Variants in ADCY2 observed in about 807,000 individuals in gnomAD.
The protein encoded by ADCY2 is adenylate cyclase 2.
A neutral mutation model predicts 125.2 loss-of-function variants in ADCY2; 31 were observed. The ratio of observed to expected loss-of-function variants is 0.25; its 90% confidence interval spans 0.19 to 0.33. The LOEUF (loss-of-function observed/expected upper bound fraction) is 0.33. ADCY2 is among the 10% of genes least tolerant of loss of function. ADCY2 has a pLI of 1.00. For missense variants in ADCY2, 904 were observed against 1,418.2 expected, an observed-to-expected ratio of 0.64 and a Z score of 5.82; for synonymous variants, 512 against 548.4, an observed-to-expected ratio of 0.93 and a Z score of 0.93.
chr5:7,725,868 G>A lies in ADCY2; in HGVS notation c.1773+1254G>A, dbSNP rs372932474. Among the ~76,000 whole-genome samples the A allele has an allele frequency of 1.4e-4, 22 of 152,326 alleles. No homozygotes were observed. The East Asian group carries it at 3.3e-3, about 23-fold the overall frequency. On this transcript the variant is annotated intron_variant, in intron 13 of 24. Coordinates refer to ENST00000338316, the MANE Select transcript of ADCY2 (RefSeq NM_020546.3). ...CCCCCAAAATTCTAGTAAACAGAAA[G>A]TGATCATTTAAAAATGCAGCTTTAC...
chr5:7,713,653 C>T (rs1240888347), intron 11 of ADCY2, among the ~76,000 whole-genome samples: 1 of 152,168 alleles, frequency 6.6e-6, no homozygotes, highest in Non-Finnish European at 1.5e-5. Flanking sequence ...CGCCCTGTCG[C>T]AGCCACCGTA....
At chr5:7,742,494 C>T (rs968988521) in intron 14 of ADCY2, among the ~76,000 whole-genome samples, 2 of 152,004 alleles carry the variant, frequency 1.3e-5, no homozygotes, top group Non-Finnish European at 2.9e-5. Flanking sequence ...ACTCAGTGCC[C>T]GAAAGTCATT....
intron 24 of ADCY2, among the ~76,000 whole-genome samples, chr5:7,826,409 T>A (rs1167373082): frequency 1.3e-5 from 2 of 152,200 alleles, no homozygotes; most frequent in Non-Finnish European, 2.9e-5. Context: ...CCAGGCTCAA[T>A]TCCTTTTCTG....
chr5:7,535,125 C>T (rs1734774050), intron 3 of ADCY2, among the ~76,000 whole-genome samples: 1 of 152,194 alleles, frequency 6.6e-6, no homozygotes, highest in Admixed American at 6.5e-5. Flanking sequence ...ACCGCAACCT[C>T]CGCCTCTCAG....
intron 3 of ADCY2, among the ~76,000 whole-genome samples, chr5:7,562,770 C>G (rs1391182105): frequency 6.6e-6 from 1 of 152,086 alleles, no homozygotes; most frequent in African/African-American, 2.4e-5. Flanking sequence ...TTACCAAATG[C>G]TGTCCTTTTC....
chr5:7,818,959 C>T (rs1478545165), intron 23 of ADCY2, among the ~76,000 whole-genome samples: 1 of 152,138 alleles, frequency 6.6e-6, no homozygotes, highest in Admixed American at 6.6e-5. Flanking sequence ...CACACAATCA[C>T]AAGGCGAGGT....
At chr5:7,724,516 T>A (rs1741873028) in intron 12 of ADCY2, 29 bp from the exon 13 acceptor site, 1 of 1,562,266 alleles carries the variant, frequency 6.4e-7, no homozygotes, top group Non-Finnish European at 8.8e-7. Context: ...GATTCAGTTT[T>A]ATGATGTGTT....
chr5:7,514,418 C>G (rs1487216683), intron 2 of ADCY2, among the ~76,000 whole-genome samples: 1 of 152,050 alleles, frequency 6.6e-6, no homozygotes, highest in East Asian at 1.9e-4. Context: ...TGTAAGTAAC[C>G]TTGATATTAT....
intron 1 of ADCY2, among the ~76,000 whole-genome samples, chr5:7,404,963 G>C (rs1260032296): frequency 6.6e-6 from 1 of 152,144 alleles, no homozygotes; most frequent in Non-Finnish European, 1.5e-5. Flanking sequence ...CTTGATATGG[G>C]ATCTGGTTTC....
chr5:7,514,498 A>T (rs980956908), intron 2 of ADCY2, among the ~76,000 whole-genome samples: 1 of 152,220 alleles, frequency 6.6e-6, no homozygotes, highest in African/African-American at 2.4e-5. Flanking sequence ...AATACTTGAG[A>T]TCTAAACCCT....
intron 1 of ADCY2, among the ~76,000 whole-genome samples, chr5:7,401,187 T>G (rs1739251135): frequency 6.6e-6 from 1 of 152,228 alleles, no homozygotes; most frequent in African/African-American, 2.4e-5. Context: ...TGGCATAAAG[T>G]AAGCCTCCAG....
intron 4 of ADCY2, among the ~76,000 whole-genome samples, chr5:7,639,637 A>T (rs1738625639): frequency 6.6e-6 from 1 of 152,204 alleles, no homozygotes; most frequent in South Asian, 2.1e-4. Context: ...ATGCAGGTTA[A>T]ATGCAATTTT....
intron 14 of ADCY2, among the ~76,000 whole-genome samples, chr5:7,731,758 T>C (rs1742109662): frequency 6.6e-6 from 1 of 151,964 alleles, no homozygotes. Flanking sequence ...CACCTGCCAC[T>C]GCACCAGCTA....
In ADCY2 at chr5:7,639,685, C is replaced by T. The variant is rs1308670612; in HGVS notation, c.720+13369C>T. ...ACCTCATGACTGCTCTGGATGAGCT[C>T]AGGTATTATTGCATACACCTTCTTA... On this transcript the variant is annotated intron_variant, in intron 4 of 24. Coordinates refer to ENST00000338316, the MANE Select transcript of ADCY2 (RefSeq NM_020546.3). Among the ~76,000 whole-genome samples the T allele has an allele frequency of 2.0e-5, 3 of 152,170 alleles. No homozygotes were observed. In the East Asian group the frequency reaches 5.8e-4, roughly 29 times the overall value.
Position 7,486,074 on chromosome 5 carries a change from C to T in ADCY2, c.409-34664C>T, listed in dbSNP as rs1327088923. ...AGGTGACAATATATGTGATATTATT[C>T]ATTACGAACAAATAAGATGAGAGAA... On this transcript the variant is annotated intron_variant, in intron 2 of 24. Coordinates refer to ENST00000338316, the MANE Select transcript of ADCY2 (RefSeq NM_020546.3). Among the ~76,000 whole-genome samples, 3 of 152,128 alleles carry T rather than the reference C, an allele frequency of 2.0e-5. No individual in the cohort carries two copies. In the East Asian group the frequency reaches 5.8e-4, roughly 29 times the overall value.
At chr5:7,505,860 C>T (rs1255768514) in intron 2 of ADCY2, among the ~76,000 whole-genome samples, 1 of 152,092 alleles carries the variant, frequency 6.6e-6, no homozygotes, top group African/African-American at 2.4e-5. Context: ...GAAGCGCTGG[C>T]CTTTCAGATT....
intron 1 of ADCY2, among the ~76,000 whole-genome samples, chr5:7,403,848 T>A (rs575426887): frequency 1.3e-3 from 195 of 152,244 alleles, no homozygotes; most frequent in Admixed American, 3.1e-3. Context: ...CTGTCATATA[T>A]CAAAATTCTA....
intron 2 of ADCY2, among the ~76,000 whole-genome samples, chr5:7,426,093 C>T (rs1740376418): frequency 6.6e-6 from 1 of 152,098 alleles, no homozygotes; most frequent in South Asian, 2.1e-4. Flanking sequence ...TGGAGAGGCC[C>T]CATCCTGCAT....
At chr5:7,630,105 A>C (rs1738267070) in intron 4 of ADCY2, among the ~76,000 whole-genome samples, 3 of 152,144 alleles carry the variant, frequency 2.0e-5, no homozygotes, top group Non-Finnish European at 4.4e-5. Context: ...ACCCCATGCT[A>C]TACCTGGATT....
Sources: allele counts gnomAD v4.1 joint callset (sites outside exome capture counted in the v4.1 genomes callset), GRCh38; gene constraint gnomAD v4.1.1; transcripts MANE v1.5; gene names NCBI Gene and HGNC (gene_info 2026-07-23, HGNC 2026-07-21).